The following ASIC2 variants were observed in gnomAD, a reference collection of about 807,000 sequenced individuals.
ASIC2 encodes the protein acid-sensing ion channel 2.
In ASIC2, 25 loss-of-function variants were observed where a neutral mutation model predicts 57.3. The ratio of observed to expected loss-of-function variants is 0.44; its 90% CI spans 0.32 to 0.61. The LOEUF is 0.61. ASIC2 is among the 20% of genes least tolerant of loss of function. The pLI, the probability that ASIC2 is intolerant of heterozygous loss-of-function variation, is 0.06. For synonymous variants in ASIC2, 319 were observed against 307.5 expected, an observed-to-expected ratio of 1.04 and a Z score of -0.39; for missense variants, 641 against 738.1, an observed-to-expected ratio of 0.87 and a Z score of 1.52.
intron 1 of ASIC2, among the ~76,000 whole-genome samples, chr17:33,945,511 A>C (rs1472012352): frequency 1.3e-5 from 2 of 152,182 alleles, no homozygotes; most frequent in Non-Finnish European, 2.9e-5. Context: ...AATGGGCAGC[A>C]ATGTTGCTAA....
intron 1 of ASIC2, among the ~76,000 whole-genome samples, chr17:33,195,066 G>A (rs540142087): frequency 2.6e-5 from 4 of 152,264 alleles, no homozygotes; most frequent in Non-Finnish European, 2.9e-5. Context: ...AAGCTAAGTC[G>A]GGCTCCTGGC....
intron 1 of ASIC2, among the ~76,000 whole-genome samples, chr17:34,095,077 C>T (rs1910468880): frequency 6.6e-6 from 1 of 152,184 alleles, no homozygotes; most frequent in African/African-American, 2.4e-5. Flanking sequence ...TCAGTTTCTC[C>T]ATATATAAAA....
chr17:33,686,824 G>A (rs565110690), intron 1 of ASIC2, among the ~76,000 whole-genome samples: 1 of 152,260 alleles, frequency 6.6e-6, no homozygotes, highest in Non-Finnish European at 1.5e-5. Context: ...ATTAGGCTTG[G>A]GCAGCCAGAG....
At chr17:33,065,756 AG>A (rs1438863119) in intron 3 of ASIC2, among the ~76,000 whole-genome samples, 14 of 152,340 alleles carry the variant, frequency 9.2e-5, no homozygotes, top group Non-Finnish European at 1.8e-4. Flanking sequence ...AAACTGAGGG[AG>A]AAAAATCAGG....
chr17:33,594,642 CA>C (rs539456616), intron 1 of ASIC2, among the ~76,000 whole-genome samples: 208 of 152,082 alleles, frequency 1.4e-3, no homozygotes, highest in African/African-American at 4.6e-3. Context: ...TCCTGGCTAA[CA>C]CGGTGAAACC....
At chr17:33,425,357 G>T (rs1231597544) in intron 1 of ASIC2, among the ~76,000 whole-genome samples, 1 of 152,232 alleles carries the variant, frequency 6.6e-6, no homozygotes, top group South Asian at 2.1e-4. Context: ...CAAAGCCAGT[G>T]ATCTTTCTAT....
intron 1 of ASIC2, among the ~76,000 whole-genome samples, chr17:33,438,573 C>G (rs533271751): frequency 1.2e-4 from 19 of 152,004 alleles, no homozygotes; most frequent in Non-Finnish European, 5.9e-5. Context: ...CCATTTGTCT[C>G]GGTGATTATT....
chr17:34,095,611 A>ATATATATATATATATAATTT (rs1910493286), intron 1 of ASIC2, among the ~76,000 whole-genome samples: 1 of 87,524 alleles, frequency 1.1e-5, no homozygotes, highest in African/African-American at 7.5e-5. Flanking sequence ...CAAATTTTAT[A>ATATATATATATATATAATTT]TATATATATA....
intron 1 of ASIC2, among the ~76,000 whole-genome samples, chr17:33,853,172 A>T (rs317414): frequency 0.74 from 112,069 of 152,138 alleles, 41,571 homozygotes; most frequent in East Asian, 0.96. Flanking sequence ...TTCTTTTACA[A>T]CCCAGAGCAG....
chr17:33,291,801 C>A lies in ASIC2; in HGVS notation c.315G>T (p.Ser105=). 1 of 1,613,546 alleles carries A rather than the reference C, an allele frequency of 6.2e-7. No individual in the cohort carries two copies. Among genetic ancestry groups the A allele is most frequent in the East Asian group, 2.2e-5 (1 of 44,856 alleles). ...TSFGLLLSWS[S]NRLLYWLSFP... is the part of the protein sequence containing the mutation. Reference sequence around the variant, plus strand: ...AGCTGAGCCAGTAGAGCAAGCGGTTCGAGGACCAGGACAGCAGCAAGCCGA... The same window carrying A: ...AGCTGAGCCAGTAGAGCAAGCGGTTAGAGGACCAGGACAGCAGCAAGCCGA... Residue 105 remains serine, a synonymous_variant, in exon 1 of 10, where the codon TCG becomes TCT. Transcript: ENST00000225823.
At chr17:33,490,489 G>A (rs1278146482) in intron 1 of ASIC2, among the ~76,000 whole-genome samples, 2 of 152,170 alleles carry the variant, frequency 1.3e-5, no homozygotes, top group African/African-American at 4.8e-5. Flanking sequence ...TCAAGGGTGG[G>A]GCCAGGTGGA....
chr17:33,299,182 C>T (rs1905846294), intron 1 of ASIC2, among the ~76,000 whole-genome samples: 1 of 151,794 alleles, frequency 6.6e-6, no homozygotes, highest in Non-Finnish European at 1.5e-5. Context: ...AACCTGACTT[C>T]AAACTATACT....
chr17:33,775,013 A>G (rs930723671), intron 1 of ASIC2, among the ~76,000 whole-genome samples: 1 of 152,256 alleles, frequency 6.6e-6, no homozygotes, highest in African/African-American at 2.4e-5. Flanking sequence ...CAGAGTATCC[A>G]AAAGAGACAT....
intron 1 of ASIC2, among the ~76,000 whole-genome samples, chr17:33,856,454 T>C (rs1410539906): frequency 2.1e-5 from 2 of 96,432 alleles, no homozygotes; most frequent in East Asian, 4.8e-4. Context: ...GTAGTAGTAA[T>C]AGTCTTATCA....
intron 1 of ASIC2, among the ~76,000 whole-genome samples, chr17:34,102,763 G>C (rs191368382): frequency 6.6e-6 from 1 of 152,296 alleles, no homozygotes; most frequent in Admixed American, 6.5e-5. Flanking sequence ...TGGTAATTGT[G>C]AATAAAGTTG....
At chr17:33,473,800 C>A (rs1001129493) in intron 1 of ASIC2, among the ~76,000 whole-genome samples, 1 of 152,078 alleles carries the variant, frequency 6.6e-6, no homozygotes, top group Admixed American at 6.5e-5. Context: ...TTCTCCAGAT[C>A]TTCTTTCTCC....
intron 1 of ASIC2, among the ~76,000 whole-genome samples, chr17:33,788,516 C>T (rs1911671721): frequency 6.6e-6 from 1 of 152,076 alleles, no homozygotes; most frequent in Non-Finnish European, 1.5e-5. Flanking sequence ...GGATCTAGAA[C>T]CAGAAATACC....
At chr17:33,195,947 C>T (rs1906608869) in intron 1 of ASIC2, among the ~76,000 whole-genome samples, 1 of 152,206 alleles carries the variant, frequency 6.6e-6, no homozygotes, top group African/African-American at 2.4e-5. Context: ...ACCACAATAA[C>T]TTTTGCACCA....
At chr17:33,764,307 A>T (rs1910870388) in intron 1 of ASIC2, among the ~76,000 whole-genome samples, 1 of 143,250 alleles carries the variant, frequency 7.0e-6, no homozygotes, top group Admixed American at 7.0e-5. Flanking sequence ...AGAAAACAAG[A>T]CTCTGTCTAA....
Sources: gnomAD v4.1 joint callset for allele counts (sites outside exome capture counted in the v4.1 genomes callset) on GRCh38, gnomAD v4.1.1 for gene constraint, MANE v1.5 for transcripts, NCBI Gene and HGNC (gene_info 2026-07-23, HGNC 2026-07-21) for gene names.